The following MAN2C1 variants were observed in gnomAD, a reference collection of about 807,000 sequenced individuals.
MAN2C1 encodes alpha-mannosidase 2C1.
Under a neutral mutation model 126.9 loss-of-function variants are expected in MAN2C1, and 111 were observed. The observed-to-expected ratio is 0.87, with a 90% CI of 0.75 to 1.02. The LOEUF (loss-of-function observed/expected upper bound fraction) is 1.02, where lower values mean the gene tolerates loss of function less well. MAN2C1 is among the 50% of genes least tolerant of loss of function. The probability of loss-of-function intolerance (pLI) is 0.00; values close to 1 mark genes in which losing one functional copy is unlikely to be tolerated. For synonymous variants in MAN2C1, 567 were observed against 561.5 expected (o/e 1.01, Z -0.14); for missense variants, 1,363 against 1,364.4 (o/e 1.00, Z 0.02).
rs377175249 is a variant in MAN2C1 at position 75,358,632 on chromosome 15, G to A, written c.2247-14C>T. 33 of 1,612,290 alleles carry A rather than the reference G, an allele frequency of 2.0e-5. No individual in the cohort carries two copies. The highest frequency in any genetic ancestry group is 6.7e-5 in the African/African-American group (5 of 74,688). ...AGCACAGGCTTCCTATGGGACAGGGGTGGACATACTGATCCAGAGCAGCCT... is the reference window on the plus strand; with the variant it reads ...AGCACAGGCTTCCTATGGGACAGGGATGGACATACTGATCCAGAGCAGCCT... On this transcript the variant is annotated splice_polypyrimidine_tract_variant and intron_variant, in intron 19 of 25. Coordinates refer to ENST00000267978, the MANE Select transcript of MAN2C1 (RefSeq NM_006715.4).
At position 75,368,055 on chromosome 15, in the gene MAN2C1, C is replaced by A. The variant is rs1458332896; in HGVS notation, c.227+18G>T. 6.3e-7 allele frequency: 1 copy of A among 1,596,650 alleles called. No individual in the cohort carries two copies. Among genetic ancestry groups the A allele is most frequent in the Non-Finnish European group, 8.5e-7 (1 of 1,173,662 alleles). On this transcript the variant is annotated intron_variant, in intron 2 of 25. Coordinates refer to ENST00000267978, the MANE Select transcript of MAN2C1 (RefSeq NM_006715.4). ...CCCCTAGGCCTGTGGCCCCGCCCAC[C>A]CGCTGGGCGTTACCTACGTGGGTCC...
chr15:75,359,452 C>A, intron 16 of MAN2C1, 27 bp from the exon 17 acceptor site: 1 of 1,599,964 alleles, frequency 6.3e-7, no homozygotes, highest in Non-Finnish European at 8.5e-7. Context: ...GGCATCAGTG[C>A]AGCCTTCCTG....
At chr15:75,365,613 C>T in intron 4 of MAN2C1, 1 of 200,166 alleles carries the variant, frequency 5.0e-6, no homozygotes, top group Non-Finnish European at 1.1e-5. Flanking sequence ...GTAATCTCAG[C>T]TAGTAGGGAG....
chr15:75,362,833 C>A lies in MAN2C1; in HGVS notation c.791-85G>T, dbSNP rs368976237. 5 of 1,123,878 alleles carry A rather than the reference C, an allele frequency of 4.4e-6. No homozygotes were observed. Among genetic ancestry groups the A allele is most frequent in the Non-Finnish European group, 6.6e-6 (5 of 752,160 alleles). 69.6% of individuals were successfully genotyped at this position (1,123,878 alleles called of 1,614,324 possible). On this transcript the variant is annotated intron_variant, in intron 6 of 25. Coordinates refer to ENST00000267978, the MANE Select transcript of MAN2C1 (RefSeq NM_006715.4). The surrounding 1 kb of genome is among the most constrained non-coding windows in gnomAD (Gnocchi z 4.5). ...GGACTCCAGAGGGTCACCTAGCCCCCCTCCCATCCCAGGCCCTTCACCCTG... is the reference window on the plus strand; with the variant it reads ...GGACTCCAGAGGGTCACCTAGCCCCACTCCCATCCCAGGCCCTTCACCCTG...
rs752869452 is a variant in MAN2C1, at chr15:75,356,395, AG to A, written c.2791del (p.Leu931CysfsTer44). The A allele has an allele frequency of 1.3e-5, 21 of 1,610,532 alleles. No homozygotes were observed. Among genetic ancestry groups the A allele is most frequent in the Non-Finnish European group, 1.6e-5 (19 of 1,178,796 alleles). Reference sequence around the variant, plus strand: ...TGGGCTGGGGGCTGGCAGAGCCAACAGGGGGAAGTTTAGGCTGTAGGCAGCT... The same window carrying A: ...TGGGCTGGGGGCTGGCAGAGCCAACAGGGGAAGTTTAGGCTGTAGGCAGCT... ...IQAAYSLNFP[L>X]LALPAPSPAP... On this transcript the variant is annotated frameshift_variant, in exon 24 of 26. Coordinates refer to ENST00000267978, the MANE Select transcript of MAN2C1 (RefSeq NM_006715.4). LOFTEE classifies it high-confidence loss of function. This position sits in a 1 kb window ranked among gnomAD's most constrained non-coding sequence, Gnocchi z 5.8.
At position 75,362,860 on chromosome 15, in the gene MAN2C1, A is replaced by C. The variant is rs542757731; in HGVS notation, c.791-112T>G. The stretch of plus-strand genomic sequence containing the variant: ...TCCCATCCCAGGCCCTTCACCCTGG[A>C]AAGCCCTGTGGTGTCCCTCCTAAGT... On this transcript the variant is annotated intron_variant, in intron 6 of 25. Transcript: ENST00000267978. The surrounding 1 kb of genome is among the most constrained non-coding windows in gnomAD (Gnocchi z 4.5). 2.3e-6 allele frequency: 2 copies of C among 874,636 alleles called. No homozygotes were observed. Among genetic ancestry groups the C allele is most frequent in the South Asian group, 3.0e-5 (2 of 65,824 alleles). 54.2% of individuals were successfully genotyped at this position (874,636 alleles called of 1,614,324 possible). A position where few individuals can be genotyped will look rare whatever the true frequency, so the allele number is the denominator to read the frequency against.
At position 75,363,983 on chromosome 15, in the gene MAN2C1, C is replaced by T. The variant is rs1399304647; in HGVS notation, c.790+16G>A. 6 of 1,612,448 alleles carry T rather than the reference C, an allele frequency of 3.7e-6. No homozygotes were observed. In the African/African-American group the frequency reaches 6.7e-5, roughly 18 times the overall value. On this transcript the variant is annotated intron_variant, in intron 6 of 25. Transcript: ENST00000267978. Reference sequence around the variant, plus strand: ...ACTCCTGCTTCCCCAGCCAGCCCAACCAGCTGCTGTCCTACCTGTATCAAT... The same window carrying T: ...ACTCCTGCTTCCCCAGCCAGCCCAATCAGCTGCTGTCCTACCTGTATCAAT...
At position 75,362,442 on chromosome 15, in the gene MAN2C1, C is replaced by G; in HGVS notation, c.909G>C (p.Leu303=). The change falls in exon 8 of 26, where the codon CTG becomes CTC. Residue 303 remains leucine (L), a synonymous_variant. Transcript: ENST00000267978. This position sits in a 1 kb window ranked among gnomAD's most constrained non-coding sequence, Gnocchi z 4.5. ...CAGGGTAGCGGCTCTTCACCCATTC[C>G]AGCTGCTGCGCCTGTGGGCAGGTTG... ...FIFACSQAQQ[L]EWVKSRYPGL... 6.2e-7 allele frequency: 1 copy of G among 1,611,936 alleles called. No individual in the cohort carries two copies. The highest frequency in any genetic ancestry group is 8.5e-7 in the Non-Finnish European group (1 of 1,179,326).
At chr15:75,360,905 T>G in intron 12 of MAN2C1, 141 bp downstream of exon 12, 2 of 1,250,516 alleles carry the variant, frequency 1.6e-6, no homozygotes, top group Non-Finnish European at 2.2e-6. Context: ...ACCCCCAGGG[T>G]GGAAGTTTGG....
At chr15:75,363,488 C>T (rs2072517172) in intron 6 of MAN2C1, among the ~76,000 whole-genome samples, 1 of 152,062 alleles carries the variant, frequency 6.6e-6, no homozygotes, top group South Asian at 2.1e-4. Context: ...AGCATGGGCC[C>T]CATGAGGCAT....
intron 4 of MAN2C1, among the ~76,000 whole-genome samples, chr15:75,364,898 T>C (rs2072545059): frequency 6.6e-6 from 1 of 152,228 alleles, no homozygotes; most frequent in Non-Finnish European, 1.5e-5. Context: ...TTTGGAACCA[T>C]GTAAAGTACG....
intron 5 of MAN2C1, 85 bp downstream of exon 5, chr15:75,364,403 A>C: frequency 1.4e-6 from 2 of 1,414,952 alleles, no homozygotes; most frequent in Non-Finnish European, 1.9e-6. Flanking sequence ...CTGGATTCCC[A>C]GAGTCCCATT....
chr15:75,357,617 A>ATTTTTTTTTT (rs969353659), intron 21 of MAN2C1: 1 of 103,536 alleles, frequency 9.7e-6, no homozygotes, highest in African/African-American at 3.7e-5. Flanking sequence ...CAATTTTTGT[A>ATTTTTTTTTT]TTTTTTTTTT....
Position 75,361,836 on chromosome 15 carries a change from G to A in MAN2C1, c.1101+19C>T, listed in dbSNP as rs746427388. The A allele has an allele frequency of 4.3e-6, 7 of 1,612,014 alleles. No individual in the cohort carries two copies. The highest frequency in any genetic ancestry group is 1.6e-4 in the Middle Eastern group (1 of 6,082). On this transcript the variant is annotated intron_variant, in intron 9 of 25. Transcript: ENST00000267978. The surrounding 1 kb of genome is among the most constrained non-coding windows in gnomAD (Gnocchi z 5.0). ...CAGCCCCACTCGCCCACAGCCTGGTGTAGCAGCTCTCAGCCTACCTCAGAG... is the reference window on the plus strand; with the variant it reads ...CAGCCCCACTCGCCCACAGCCTGGTATAGCAGCTCTCAGCCTACCTCAGAG...
rs1567274001 is a variant in MAN2C1 at position 75,358,626 on chromosome 15, A to G, written c.2247-8T>C. Reference sequence around the variant, plus strand: ...TGGCCCAGCACAGGCTTCCTATGGGACAGGGGTGGACATACTGATCCAGAG... The same window carrying G: ...TGGCCCAGCACAGGCTTCCTATGGGGCAGGGGTGGACATACTGATCCAGAG... On this transcript the variant is annotated splice_region_variant and splice_polypyrimidine_tract_variant and intron_variant, in intron 19 of 25. Transcript: ENST00000267978. 3 of 1,612,436 alleles carry G rather than the reference A, an allele frequency of 1.9e-6. No individual in the cohort carries two copies. The highest frequency in any genetic ancestry group is 3.3e-5 in the Admixed American group (2 of 59,920).
Position 75,362,294 on chromosome 15 carries a change from A to G in MAN2C1, c.1008+49T>C, listed in dbSNP as rs752479732. ...CCGGGAGGGCGGGGCTACCTGAGGG[A>G]AGGCTGTTGTCATACAGTTCAAGGC... On this transcript the variant is annotated intron_variant, in intron 8 of 25. Transcript: ENST00000267978. The surrounding 1 kb of genome is among the most constrained non-coding windows in gnomAD (Gnocchi z 4.5). The G allele has an allele frequency of 6.5e-7, 1 of 1,534,356 alleles. No homozygotes were observed. Among genetic ancestry groups the G allele is most frequent in the Non-Finnish European group, 9.0e-7 (1 of 1,109,704 alleles).
In MAN2C1 at chr15:75,356,224, A is replaced by C. The variant is rs1163736556; in HGVS notation, c.2887-5T>G. The C allele has an allele frequency of 2.5e-6, 4 of 1,613,030 alleles. No individual in the cohort carries two copies. Among genetic ancestry groups the C allele is most frequent in the Non-Finnish European group, 3.4e-6 (4 of 1,179,768 alleles). ...GCGCTGGGGGCTGCTCTCCGCCTGC[A>C]GAGGAACACGTCTGGTGGGAGGGGC... On this transcript the variant is annotated splice_region_variant and splice_polypyrimidine_tract_variant and intron_variant, in intron 24 of 25. Coordinates refer to ENST00000267978, the MANE Select transcript of MAN2C1 (RefSeq NM_006715.4). The surrounding 1 kb of genome is among the most constrained non-coding windows in gnomAD (Gnocchi z 5.8).
chr15:75,364,249 A>G, intron 5 of MAN2C1, 61 bp from the exon 6 acceptor site: 1 of 1,519,266 alleles, frequency 6.6e-7, no homozygotes, highest in Non-Finnish European at 8.8e-7. Flanking sequence ...CCTAGGCTCC[A>G]CTGATCTCAG....
chr15:75,362,786 A>C lies in MAN2C1; in HGVS notation c.791-38T>G. The C allele has an allele frequency of 6.4e-7, 1 of 1,573,480 alleles. No individual in the cohort carries two copies. Among genetic ancestry groups the C allele is most frequent in the Non-Finnish European group, 8.7e-7 (1 of 1,144,392 alleles). ...TGAGGTGGAGGACAGAGGGAGCAGC[A>C]AGGCTGACCAGGCCTGGGCTGGGAC... is the stretch of plus-strand genomic sequence containing the variant. On this transcript the variant is annotated intron_variant, in intron 6 of 25. Coordinates refer to ENST00000267978, the MANE Select transcript of MAN2C1 (RefSeq NM_006715.4). The surrounding 1 kb of genome is among the most constrained non-coding windows in gnomAD (Gnocchi z 4.5).
Sources: allele counts gnomAD v4.1 joint callset (sites outside exome capture counted in the v4.1 genomes callset), GRCh38; gene constraint gnomAD v4.1.1; non-coding constraint Gnocchi (gnomAD v3.1); transcripts MANE v1.5; gene names NCBI Gene and HGNC (gene_info 2026-07-23, HGNC 2026-07-21).